Variants in PYHIN1 observed in about 807,000 individuals in gnomAD.
The protein encoded by PYHIN1 is pyrin and HIN domain family member 1.
A neutral mutation model predicts 43.7 loss-of-function variants in PYHIN1; 32 were observed. The observed-to-expected ratio is 0.73, with a 90% CI of 0.55 to 0.98. PYHIN1 has a LOEUF of 0.98. Ranked by LOEUF, PYHIN1 falls within the 50% of genes least tolerant of loss-of-function variation. The probability of loss-of-function intolerance (pLI) is 0.00; values close to 1 mark genes in which losing one functional copy is unlikely to be tolerated. For synonymous variants in PYHIN1, 205 were observed against 203.1 expected, an observed-to-expected ratio of 1.01 and a Z score of -0.08; for missense variants, 588 against 589.5, an observed-to-expected ratio of 1.00 and a Z score of 0.03.
chr1:158,936,999 G>A lies in PYHIN1; in HGVS notation c.89G>A (p.Ser30Asn). 6.2e-7 allele frequency: 1 copy of A among 1,613,864 alleles called. No individual in the cohort carries two copies. The highest frequency in any genetic ancestry group is 1.1e-5 in the South Asian group (1 of 91,060). The change falls in exon 2 of 9, where the codon AGT becomes AAT. Residue 30 changes from serine (S) to asparagine (N), a missense_variant. Transcript: ENST00000368140. ...TTTAGAATTGTTAAGTCCTTACTGAGTAACGATTTAAAACTTAATCCAAAA... is the reference window on the plus strand; with the variant it reads ...TTTAGAATTGTTAAGTCCTTACTGAATAACGATTTAAAACTTAATCCAAAA... The part of the protein sequence containing the change: ...YHFRIVKSLL[S>N]NDLKLNPKMK...
intron 7 of PYHIN1, among the ~76,000 whole-genome samples, chr1:158,965,161 T>G (rs1650561812): frequency 6.6e-6 from 1 of 151,810 alleles, no homozygotes; most frequent in Admixed American, 6.6e-5. Context: ...TTCATAATGG[T>G]AAAGGCTTTC....
the PYHIN1 span, among the ~76,000 whole-genome samples, chr1:158,983,262 A>G: frequency 2.6e-5 from 4 of 151,926 alleles, no homozygotes; most frequent in African/African-American, 9.7e-5. Flanking sequence ...CCTATTTGTG[A>G]TATGATGTTG....
chr1:158,950,457 C>T lies in PYHIN1; in HGVS notation c.1359+5415C>T, dbSNP rs140622733. 9.2e-3 allele frequency among the ~76,000 whole-genome samples: 1,403 copies of T among 152,242 alleles called. 24 individuals are homozygous for T. The highest frequency in any genetic ancestry group is 0.032 in the African/African-American group (1,340 of 41,526). On this transcript the variant is annotated intron_variant, in intron 7 of 8. Coordinates refer to ENST00000368140, the MANE Select transcript of PYHIN1 (RefSeq NM_152501.5). ...CTGGTACCAGGTTGGGTCCTAGCCA[C>T]GCTGTGATATGGTTTGATGTGTCAT...
the PYHIN1 span, among the ~76,000 whole-genome samples, chr1:158,987,705 T>G: frequency 1.3e-5 from 2 of 152,210 alleles, no homozygotes; most frequent in African/African-American, 2.4e-5. Flanking sequence ...TTGAACTAAT[T>G]TTTTCATATG....
chr1:158,935,534 G>A (rs1648477520), intron 1 of PYHIN1, among the ~76,000 whole-genome samples: 1 of 152,122 alleles, frequency 6.6e-6, no homozygotes, highest in Admixed American at 6.6e-5. Flanking sequence ...TCCTGCAATA[G>A]AGAAAATGTA....
At chr1:158,944,583 C>A (rs1314410246) in intron 6 of PYHIN1, among the ~76,000 whole-genome samples, 2 of 152,150 alleles carry the variant, frequency 1.3e-5, no homozygotes, top group Non-Finnish European at 2.9e-5. Flanking sequence ...TCATGCAAGA[C>A]AGGTAACAAG....
At chr1:158,960,154 T>C (rs1650243065) in intron 7 of PYHIN1, among the ~76,000 whole-genome samples, 1 of 152,248 alleles carries the variant, frequency 6.6e-6, no homozygotes, top group South Asian at 2.1e-4. Flanking sequence ...TTTAATTAAC[T>C]ATATTGCCTC....
intron 2 of PYHIN1, among the ~76,000 whole-genome samples, chr1:158,937,937 TC>T (rs1209404712): frequency 4.6e-5 from 6 of 131,814 alleles, no homozygotes; most frequent in Non-Finnish European, 9.6e-5. Context: ...AGAGCGAGAC[TC>T]CGTCTCAAAA....
At chr1:158,968,708 C>T (rs962319509) in intron 7 of PYHIN1, among the ~76,000 whole-genome samples, 8 of 152,046 alleles carry the variant, frequency 5.3e-5, no homozygotes, top group Admixed American at 1.3e-4. Context: ...TGTCCATTGA[C>T]GTTAGACTGG....
chr1:158,972,410 T>A (rs1338569730), intron 7 of PYHIN1, among the ~76,000 whole-genome samples: 1 of 152,022 alleles, frequency 6.6e-6, no homozygotes, highest in Non-Finnish European at 1.5e-5. Flanking sequence ...TTATTAAGTA[T>A]ATAATCAGAG....
chr1:158,968,885 C>T (rs560751743), intron 7 of PYHIN1, among the ~76,000 whole-genome samples: 2 of 151,700 alleles, frequency 1.3e-5, no homozygotes. Context: ...CAGACACTGG[C>T]GCCTACTTGA....
At chr1:158,977,290 G>A (rs1651330994), downstream of PYHIN1, among the ~76,000 whole-genome samples, 1 of 152,074 alleles carries the variant, frequency 6.6e-6, no homozygotes, top group Admixed American at 6.6e-5. Context: ...CTGGGAAGGA[G>A]TTGCTCTAGC....
intron 1 of PYHIN1, among the ~76,000 whole-genome samples, chr1:158,935,939 T>C (rs2101642131): frequency 6.6e-6 from 1 of 152,276 alleles, no homozygotes; most frequent in African/African-American, 2.4e-5. Context: ...ACTATCCTCA[T>C]TCAATGGGAT....
intron 6 of PYHIN1, among the ~76,000 whole-genome samples, chr1:158,944,397 C>T (rs1649106057): frequency 6.6e-6 from 1 of 152,112 alleles, no homozygotes; most frequent in African/African-American, 2.4e-5. Flanking sequence ...TAGCCCATTG[C>T]CTTCCTTGTA....
rs1294788483 is a variant in PYHIN1, at chr1:158,944,880, GA to G, written c.1202del (p.Asn401IlefsTer94). 2 of 1,568,330 alleles carry G rather than the reference GA, an allele frequency of 1.3e-6. No individual in the cohort carries two copies. The highest frequency in any genetic ancestry group is 1.7e-6 in the Non-Finnish European group (2 of 1,161,920). On this transcript the variant is annotated frameshift_variant, in exon 7 of 9. Coordinates refer to ENST00000368140, the MANE Select transcript of PYHIN1 (RefSeq NM_152501.5). LOFTEE classifies it high-confidence loss of function. ...SEMHSFIQIQ[K>X]NTNQRSHDSR... ...AAAAAAATGAATACTTTCAGATACAGAAAAATACAAACCAGAGAAGCCATGA... is the reference window on the plus strand; with the variant it reads ...AAAAAAATGAATACTTTCAGATACAGAAAATACAAACCAGAGAAGCCATGA...
In PYHIN1 at chr1:158,973,696, T is replaced by A; in HGVS notation, c.1409T>A (p.Ile470Asn). 1 of 1,613,184 alleles carries A rather than the reference T, an allele frequency of 6.2e-7. No homozygotes were observed. The highest frequency in any genetic ancestry group is 8.5e-7 in the Non-Finnish European group (1 of 1,179,480). The change falls in exon 8 of 9, where the codon ATC (isoleucine) becomes AAC (asparagine). Residue 470 changes from isoleucine to asparagine, a missense_variant. Physicochemically the swap from Ile to Asn is moderately radical, Grantham distance 149. Transcript: ENST00000368140. Reference sequence around the variant, plus strand: ...CAGTCATCGCCTGCAAACTTTAGAATCACCTCACCAACTGTGGCCCCTCCT... The same window carrying A: ...CAGTCATCGCCTGCAAACTTTAGAAACACCTCACCAACTGTGGCCCCTCCT... Reference protein sequence around the residue: ...GAQSSPANFRITSPTVAPPLS... With the variant: ...GAQSSPANFRNTSPTVAPPLS...
intron 7 of PYHIN1, among the ~76,000 whole-genome samples, chr1:158,951,977 G>A (rs1270694061): frequency 6.6e-6 from 1 of 152,130 alleles, no homozygotes; most frequent in Admixed American, 6.5e-5. Context: ...TTATAATCTG[G>A]GATGTCGCTT....
chr1:158,950,888 GT>G (rs1260512397), intron 7 of PYHIN1, among the ~76,000 whole-genome samples: 1 of 152,192 alleles, frequency 6.6e-6, no homozygotes, highest in African/African-American at 2.4e-5. Context: ...ACCATTATCA[GT>G]TTTAATTTTT....
chr1:158,938,888 G>A (rs1648724338), intron 3 of PYHIN1, among the ~76,000 whole-genome samples, 192 bp from the exon 4 acceptor site: 1 of 152,170 alleles, frequency 6.6e-6, no homozygotes, highest in Admixed American at 6.5e-5. Flanking sequence ...AAGGAATGAT[G>A]TGTGTTACTT....
Sources: allele counts gnomAD v4.1 joint callset (sites outside exome capture counted in the v4.1 genomes callset), GRCh38; gene constraint gnomAD v4.1.1; transcripts MANE v1.5; gene names NCBI Gene and HGNC (gene_info 2026-07-23, HGNC 2026-07-21).